The following FIRRM variants were observed in gnomAD, a reference collection of about 807,000 sequenced individuals.
FIRRM encodes FIGNL1-interacting regulator of recombination and mitosis.
chr1:169,812,006 C>T, the FIRRM span, among the ~76,000 whole-genome samples: 1 of 152,150 alleles, frequency 6.6e-6, no homozygotes, highest in Non-Finnish European at 1.5e-5. Flanking sequence ...TTATATTACC[C>T]ACACCTTCTT....
the FIRRM span, chr1:169,826,920 AT>A: frequency 1.4e-6 from 1 of 738,786 alleles, no homozygotes; most frequent in Non-Finnish European, 2.1e-6. Flanking sequence ...GTTTTATAAA[AT>A]GCACACTTAT....
At chr1:169,813,726 A>G in the FIRRM span, among the ~76,000 whole-genome samples, 3 of 152,246 alleles carry the variant, frequency 2.0e-5, no homozygotes, top group Non-Finnish European at 4.4e-5. Flanking sequence ...TATTACATAT[A>G]GCTCTTCAAG....
chr1:169,849,425 A>T, the FIRRM span: 4 of 1,086,908 alleles, frequency 3.7e-6, no homozygotes, highest in South Asian at 5.5e-5. Context: ...CACTGGGCTT[A>T]TTGAATGTAT....
the FIRRM span, among the ~76,000 whole-genome samples, chr1:169,806,309 T>G: frequency 1.3e-3 from 202 of 152,362 alleles, 1 homozygote; most frequent in Admixed American, 2.0e-3. Flanking sequence ...TTCTTCCTAG[T>G]TAGCTAGTAC....
the FIRRM span, among the ~76,000 whole-genome samples, chr1:169,787,754 C>T: frequency 6.6e-6 from 1 of 152,174 alleles, no homozygotes; most frequent in Non-Finnish European, 1.5e-5. Flanking sequence ...TTCCATTTTG[C>T]CATGCTGGAT....
At chr1:169,853,872 A>C in the FIRRM span, 1 of 1,358,424 alleles carries the variant, frequency 7.4e-7, no homozygotes, top group South Asian at 1.2e-5. Flanking sequence ...TTATCTTTTG[A>C]TGCCAGAAAC....
At chr1:169,804,855 G>C in the FIRRM span, among the ~76,000 whole-genome samples, 2 of 152,008 alleles carry the variant, frequency 1.3e-5, no homozygotes, top group Non-Finnish European at 2.9e-5. Context: ...GCTAATTTTT[G>C]TATTTTTAGT....
At chr1:169,813,971 G>A in the FIRRM span, among the ~76,000 whole-genome samples, 2 of 152,196 alleles carry the variant, frequency 1.3e-5, no homozygotes, top group Non-Finnish European at 2.9e-5. Flanking sequence ...GTTTTAGTTG[G>A]GTATGACAAG....
At chr1:169,835,171 T>C in the FIRRM span, among the ~76,000 whole-genome samples, 3 of 152,168 alleles carry the variant, frequency 2.0e-5, no homozygotes, top group African/African-American at 7.2e-5. Flanking sequence ...AGAACCCAAA[T>C]TTTTTTACGA....
At chr1:169,796,808 T>G in the FIRRM span, among the ~76,000 whole-genome samples, 1 of 152,236 alleles carries the variant, frequency 6.6e-6, no homozygotes, top group Non-Finnish European at 1.5e-5. Context: ...ATGAATACAT[T>G]AGGCTCACCT....
chr1:169,852,507 G>A, the FIRRM span: 9 of 417,934 alleles, frequency 2.2e-5, no homozygotes, highest in Admixed American at 1.6e-4. Context: ...ATGTAAGCTT[G>A]GACTATGCAG....
At chr1:169,836,890 C>T in the FIRRM span, 2 of 1,529,570 alleles carry the variant, frequency 1.3e-6, no homozygotes, top group Admixed American at 1.9e-5. Flanking sequence ...TCTGACTTGT[C>T]TCATGTTACT....
the FIRRM span, among the ~76,000 whole-genome samples, chr1:169,803,521 A>T: frequency 8.1e-4 from 124 of 152,276 alleles, no homozygotes; most frequent in Middle Eastern, 6.8e-3. Context: ...TTTTAGTTTT[A>T]TCTTATTTCC....
the FIRRM span, among the ~76,000 whole-genome samples, chr1:169,848,542 A>C: frequency 1.3e-5 from 2 of 152,192 alleles, no homozygotes. Context: ...TGAAACCAAA[A>C]ATTTAATTTC....
At chr1:169,796,894 A>G in the FIRRM span, among the ~76,000 whole-genome samples, 1 of 152,172 alleles carries the variant, frequency 6.6e-6, no homozygotes, top group Non-Finnish European at 1.5e-5. Context: ...CTTGGCCCAA[A>G]TGTCACTTCC....
chr1:169,796,962 C>T, the FIRRM span, among the ~76,000 whole-genome samples: 1 of 152,194 alleles, frequency 6.6e-6, no homozygotes, highest in East Asian at 1.9e-4. Context: ...CGCAGTCTTA[C>T]ACTTGTATCA....
At chr1:169,832,810 G>T in the FIRRM span, among the ~76,000 whole-genome samples, 3 of 151,964 alleles carry the variant, frequency 2.0e-5, no homozygotes, top group African/African-American at 7.3e-5. Context: ...GTCTCACTAT[G>T]TTGCCTAGGC....
the FIRRM span, among the ~76,000 whole-genome samples, chr1:169,792,261 G>A: frequency 2.0e-5 from 3 of 152,206 alleles, no homozygotes; most frequent in African/African-American, 7.2e-5. Context: ...AGACTTGAGA[G>A]AAGAAATGGC....
the FIRRM span, chr1:169,850,183 A>C: frequency 4.7e-6 from 4 of 852,768 alleles, no homozygotes; most frequent in Non-Finnish European, 7.6e-6. Flanking sequence ...TTTTTGGTTA[A>C]GGTAGCTCAT....
Sources: allele counts gnomAD v4.1 joint callset (sites outside exome capture counted in the v4.1 genomes callset), GRCh38; gene constraint gnomAD v4.1.1; transcripts MANE v1.5; gene names NCBI Gene and HGNC (gene_info 2026-07-23, HGNC 2026-07-21).